CNTNAP2: variants seen among roughly 807,000 people sequenced by gnomAD.
CNTNAP2 encodes the protein contactin-associated protein-like 2.
Under a neutral mutation model 155.2 loss-of-function variants are expected in CNTNAP2, and 98 were observed. The ratio of observed to expected loss-of-function variants is 0.63; its 90% CI spans 0.54 to 0.75. The LOEUF (loss-of-function observed/expected upper bound fraction) is 0.75. Among genes scored for constraint, CNTNAP2 ranks in the 30% least tolerant of loss-of-function variants. The pLI is 0.00. For missense variants in CNTNAP2, 1,727 were observed against 1,688.1 expected (o/e 1.02, Z -0.40); for synonymous variants, 651 against 631.2 (o/e 1.03, Z -0.47).
At chr7:148,359,328 G>A (rs1460089570) in intron 21 of CNTNAP2, among the ~76,000 whole-genome samples, 1 of 152,244 alleles carries the variant, frequency 6.6e-6, no homozygotes, top group Non-Finnish European at 1.5e-5. Context: ...ACTTGCTACA[G>A]TTGCAATATA....
At chr7:147,083,575 T>C (rs1800189824) in intron 4 of CNTNAP2, among the ~76,000 whole-genome samples, 1 of 143,340 alleles carries the variant, frequency 7.0e-6, no homozygotes, top group Non-Finnish European at 1.5e-5. Context: ...CACATATATA[T>C]GTATATATAT....
intron 3 of CNTNAP2, among the ~76,000 whole-genome samples, chr7:146,858,671 G>T (rs1299825509): frequency 6.6e-6 from 1 of 152,080 alleles, no homozygotes; most frequent in African/African-American, 2.4e-5. Flanking sequence ...TCCAGCCTGG[G>T]GCAACAGAGT....
At chr7:146,470,517 A>C (rs937163128) in intron 1 of CNTNAP2, among the ~76,000 whole-genome samples, 14 of 151,196 alleles carry the variant, frequency 9.3e-5, no homozygotes, top group Admixed American at 4.0e-4. Context: ...AATCTTTCTA[A>C]TTTTTCTTGG....
At chr7:147,662,876 C>T (rs957958643) in intron 13 of CNTNAP2, among the ~76,000 whole-genome samples, 27 of 152,174 alleles carry the variant, frequency 1.8e-4, no homozygotes, top group African/African-American at 6.3e-4. Flanking sequence ...AATATAACTC[C>T]AATTTTTTTA....
chr7:147,201,059 T>G (rs1402173366), intron 8 of CNTNAP2, among the ~76,000 whole-genome samples: 1 of 152,208 alleles, frequency 6.6e-6, no homozygotes, highest in East Asian at 1.9e-4. Flanking sequence ...CAGGGATGTT[T>G]ACATTCAGTG....
intron 13 of CNTNAP2, among the ~76,000 whole-genome samples, chr7:147,739,625 G>C (rs991468982): frequency 6.6e-6 from 1 of 151,822 alleles, no homozygotes; most frequent in African/African-American, 2.4e-5. Context: ...AATCATCCTA[G>C]ATACAGTCCC....
chr7:147,293,759 AAG>A (rs1805361630), intron 8 of CNTNAP2, among the ~76,000 whole-genome samples: 1 of 152,168 alleles, frequency 6.6e-6, no homozygotes. Flanking sequence ...CAACTTCCTC[AAG>A]AGTCTTACTT....
intron 3 of CNTNAP2, among the ~76,000 whole-genome samples, chr7:146,925,968 G>A (rs1211915378): frequency 6.6e-6 from 1 of 152,078 alleles, no homozygotes; most frequent in Admixed American, 6.6e-5. Flanking sequence ...AGAAGCAATT[G>A]TATGGCACTT....
intron 4 of CNTNAP2, among the ~76,000 whole-genome samples, chr7:147,096,859 G>A (rs926798905): frequency 3.9e-5 from 6 of 152,162 alleles, no homozygotes; most frequent in Non-Finnish European, 7.3e-5. Context: ...GTGTGTTCAC[G>A]AGCAGACCAC....
chr7:147,167,988 G>T (rs1051494117), intron 8 of CNTNAP2, among the ~76,000 whole-genome samples: 1 of 148,734 alleles, frequency 6.7e-6, no homozygotes, highest in African/African-American at 2.5e-5. Flanking sequence ...TATAGTATAT[G>T]TATAAATTTA....
At chr7:147,188,895 C>G (rs1802623122) in intron 8 of CNTNAP2, among the ~76,000 whole-genome samples, 1 of 152,094 alleles carries the variant, frequency 6.6e-6, no homozygotes, top group African/African-American at 2.4e-5. Flanking sequence ...ATACACACTT[C>G]TTTTTTAGGG....
intron 9 of CNTNAP2, among the ~76,000 whole-genome samples, chr7:147,350,354 A>G (rs1795947828): frequency 6.6e-6 from 1 of 151,836 alleles, no homozygotes; most frequent in Non-Finnish European, 1.5e-5. Context: ...ATTAACTTAA[A>G]TTTTCCTATT....
At chr7:147,079,363 T>G (rs1800067119) in intron 4 of CNTNAP2, among the ~76,000 whole-genome samples, 1 of 152,084 alleles carries the variant, frequency 6.6e-6, no homozygotes, top group East Asian at 1.9e-4. Context: ...AGAGCTGTCT[T>G]CATCCCACCG....
At chr7:146,873,457 T>C (rs182731685) in intron 3 of CNTNAP2, among the ~76,000 whole-genome samples, 107 of 152,292 alleles carry the variant, frequency 7.0e-4, no homozygotes, top group South Asian at 3.5e-3. Flanking sequence ...ATTTCTGATA[T>C]AATGACATTA....
intron 12 of CNTNAP2, among the ~76,000 whole-genome samples, chr7:147,563,228 T>C (rs1350803640): frequency 6.6e-6 from 1 of 152,212 alleles, no homozygotes; most frequent in African/African-American, 2.4e-5. Context: ...ATTGTATGAA[T>C]ACAATAAGGT....
At chr7:146,380,771 T>C (rs1795370476) in intron 1 of CNTNAP2, among the ~76,000 whole-genome samples, 1 of 148,718 alleles carries the variant, frequency 6.7e-6, no homozygotes. Context: ...ATTTCTTGCT[T>C]CTTATGCACG....
intron 8 of CNTNAP2, among the ~76,000 whole-genome samples, chr7:147,176,650 T>TATA: frequency 7.1e-6 from 1 of 140,452 alleles, no homozygotes; most frequent in East Asian, 2.0e-4. Context: ...ATATTTATAA[T>TATA]ATAATAGAAT....
chr7:147,658,949 A>C (rs1418518172), intron 13 of CNTNAP2, among the ~76,000 whole-genome samples: 3 of 152,160 alleles, frequency 2.0e-5, no homozygotes, highest in African/African-American at 7.2e-5. Context: ...TTAACTCACA[A>C]GGCACAATCT....
intron 1 of CNTNAP2, among the ~76,000 whole-genome samples, chr7:146,363,923 G>C (rs947519528): frequency 6.6e-6 from 1 of 152,122 alleles, no homozygotes; most frequent in African/African-American, 2.4e-5. Flanking sequence ...CTTCTTGAAG[G>C]GACAAAGCAA....
Sources: gnomAD v4.1 joint callset for allele counts (sites outside exome capture counted in the v4.1 genomes callset) on GRCh38, gnomAD v4.1.1 for gene constraint, MANE v1.5 for transcripts, NCBI Gene and HGNC (gene_info 2026-07-23, HGNC 2026-07-21) for gene names.